TAFA4: variants seen among roughly 807,000 people sequenced by gnomAD.
TAFA4 encodes TAFA chemokine like family member 4.
In TAFA4, 20 loss-of-function variants were observed where a neutral mutation model predicts 21.1. The ratio of observed to expected loss-of-function variants is 0.95; its 90% CI spans 0.67 to 1.38. The LOEUF is 1.38. Ranked by LOEUF, TAFA4 falls within the 40% of genes most tolerant of loss-of-function variation. The probability of loss-of-function intolerance (pLI) is 0.00; values close to 1 mark genes in which losing one functional copy is unlikely to be tolerated. For missense variants in TAFA4, 211 were observed against 180.9 expected, an observed-to-expected ratio of 1.17 and a Z score of -0.95; for synonymous variants, 71 against 67.4, an observed-to-expected ratio of 1.05 and a Z score of -0.26.
At chr3:68,875,948 A>G (rs2089545147) in intron 3 of TAFA4, among the ~76,000 whole-genome samples, 1 of 152,164 alleles carries the variant, frequency 6.6e-6, no homozygotes, top group Non-Finnish European at 1.5e-5. Context: ...GAACTAAATA[A>G]CTAAATAAAA....
intron 3 of TAFA4, among the ~76,000 whole-genome samples, chr3:68,847,181 T>G (rs1704823713): frequency 6.6e-6 from 1 of 152,226 alleles, no homozygotes. Context: ...AGCCCCTGAC[T>G]TGGTCTGCTG....
chr3:68,735,993 A>C (rs1392827002), intron 5 of TAFA4, among the ~76,000 whole-genome samples: 2 of 152,028 alleles, frequency 1.3e-5, no homozygotes, highest in Admixed American at 6.6e-5. Context: ...ATGTCTACTC[A>C]GGGGCAAAAT....
At chr3:68,932,145 C>T (rs1341318744) in intron 1 of TAFA4, 95 bp downstream of exon 1, 1 of 152,132 alleles carries the variant, frequency 6.6e-6, no homozygotes, top group South Asian at 2.1e-4. Context: ...AGCCGAGAGG[C>T]AGCGGCTGCC....
At chr3:68,745,140 A>G (rs2106739677) in intron 4 of TAFA4, among the ~76,000 whole-genome samples, 1 of 152,340 alleles carries the variant, frequency 6.6e-6, no homozygotes, top group South Asian at 2.1e-4. Context: ...AAAAACTGAC[A>G]GCAAGGGTAA....
intron 3 of TAFA4, among the ~76,000 whole-genome samples, chr3:68,867,669 A>G (rs2089435794): frequency 6.6e-6 from 1 of 152,124 alleles, no homozygotes; most frequent in African/African-American, 2.4e-5. Context: ...AAATTGAGAC[A>G]ACGAAAAGTC....
intron 3 of TAFA4, among the ~76,000 whole-genome samples, chr3:68,806,886 A>G (rs1703713079): frequency 6.6e-6 from 1 of 152,186 alleles, no homozygotes; most frequent in African/African-American, 2.4e-5. Context: ...AATTTCTGTC[A>G]AGCCACTCGG....
At chr3:68,748,006 C>T (rs766061338) in intron 4 of TAFA4, among the ~76,000 whole-genome samples, 1 of 152,162 alleles carries the variant, frequency 6.6e-6, no homozygotes, top group African/African-American at 2.4e-5. Flanking sequence ...TATCCTTCTA[C>T]CTACTAAATT....
Position 68,761,770 on chromosome 3 carries a change from GC to G in TAFA4, c.131-8753del, listed in dbSNP as rs1702758889. Among the ~76,000 whole-genome samples the G allele has an allele frequency of 3.9e-5, 6 of 152,324 alleles. No individual in the cohort carries two copies. The South Asian group carries it at 1.2e-3, about 32-fold the overall frequency. On this transcript the variant is annotated intron_variant, in intron 3 of 5. Coordinates refer to ENST00000295569, the MANE Select transcript of TAFA4 (RefSeq NM_182522.5). The stretch of plus-strand genomic sequence containing the variant: ...GGAAGAAGCAGAGACACCAGCTCCT[GC>G]CACAGTAATCCCTGGAAAGCTGGTG...
chr3:68,872,569 T>C (rs1245902091), intron 3 of TAFA4, among the ~76,000 whole-genome samples: 6 of 152,116 alleles, frequency 3.9e-5, no homozygotes, highest in Admixed American at 3.3e-4. Flanking sequence ...ATTCCCAACA[T>C]AAAGAAAGGG....
chr3:68,776,705 A>G (rs1421599652), intron 3 of TAFA4, among the ~76,000 whole-genome samples: 4 of 152,202 alleles, frequency 2.6e-5, no homozygotes, highest in Admixed American at 2.6e-4. Flanking sequence ...CAGAATACAC[A>G]TTATTTTCAG....
At chr3:68,879,009 AT>A (rs2089585437) in intron 3 of TAFA4, among the ~76,000 whole-genome samples, 1 of 152,116 alleles carries the variant, frequency 6.6e-6, no homozygotes, top group African/African-American at 2.4e-5. Context: ...GGGTTGTAAA[AT>A]ACCTCCTTGT....
intron 3 of TAFA4, among the ~76,000 whole-genome samples, chr3:68,873,721 G>A (rs184046251): frequency 6.6e-6 from 1 of 152,256 alleles, no homozygotes; most frequent in East Asian, 1.9e-4. Flanking sequence ...TGAAAGACAA[G>A]CCTCCCACTA....
chr3:68,895,114 C>A (rs1263159289), intron 1 of TAFA4, among the ~76,000 whole-genome samples: 1 of 152,152 alleles, frequency 6.6e-6, no homozygotes, highest in African/African-American at 2.4e-5. Flanking sequence ...TCTCCTGCCT[C>A]AGCCTCCTGA....
chr3:68,900,349 G>A (rs2089834154), intron 1 of TAFA4, among the ~76,000 whole-genome samples: 1 of 150,960 alleles, frequency 6.6e-6, no homozygotes, highest in Non-Finnish European at 1.5e-5. Context: ...AGTAACTTTG[G>A]TAACTGGGGC....
At chr3:68,774,897 A>G (rs889455488) in intron 3 of TAFA4, among the ~76,000 whole-genome samples, 32 of 152,332 alleles carry the variant, frequency 2.1e-4, no homozygotes, top group South Asian at 6.2e-4. Flanking sequence ...AAGTCAAAAC[A>G]TAGGAGGAGG....
intron 5 of TAFA4, among the ~76,000 whole-genome samples, chr3:68,734,350 C>A (rs908762242): frequency 6.6e-6 from 1 of 151,880 alleles, no homozygotes; most frequent in Non-Finnish European, 1.5e-5. Flanking sequence ...GTTGGATAAA[C>A]AGGTAAAATT....
chr3:68,733,000 C>A lies in TAFA4; in HGVS notation c.*142G>T. The A allele has an allele frequency of 2.9e-6, 3 of 1,042,024 alleles. No homozygotes were observed. The highest frequency in any genetic ancestry group is 3.4e-5 in the South Asian group (2 of 59,502). The allele number at this position is 1,042,024 out of a possible 1,614,324, so 64.5% of individuals were successfully genotyped here. ...GAGGGCTGGGCCAGTTAAGTGAATG[C>A]CACCTCTCACAGCTCACATATACAA... On this transcript the variant is annotated 3_prime_UTR_variant, in exon 6 of 6. Coordinates refer to ENST00000295569, the MANE Select transcript of TAFA4 (RefSeq NM_182522.5).
intron 3 of TAFA4, among the ~76,000 whole-genome samples, chr3:68,827,619 C>T (rs1704280825): frequency 6.6e-6 from 1 of 152,170 alleles, no homozygotes; most frequent in Non-Finnish European, 1.5e-5. Flanking sequence ...TTTTGATTTG[C>T]ATTTCTCTAA....
intron 3 of TAFA4, among the ~76,000 whole-genome samples, chr3:68,757,991 T>C (rs1358188307): frequency 1.3e-5 from 2 of 152,218 alleles, no homozygotes; most frequent in Non-Finnish European, 2.9e-5. Context: ...TACTGTTTTT[T>C]ACTCCGATTT....
Sources: gnomAD v4.1 joint callset for allele counts (sites outside exome capture counted in the v4.1 genomes callset) on GRCh38, gnomAD v4.1.1 for gene constraint, MANE v1.5 for transcripts, NCBI Gene and HGNC (gene_info 2026-07-23, HGNC 2026-07-21) for gene names.